Variants in AGBL4 observed in about 807,000 individuals in gnomAD.
The protein encoded by AGBL4 is AGBL carboxypeptidase 4.
AGBL4 carries 58 observed loss-of-function variants against 66.4 expected under a neutral mutation model. That is an observed-to-expected ratio of 0.87 (90% CI 0.71 to 1.09). AGBL4 has a LOEUF of 1.09. Ranked by LOEUF, AGBL4 falls within the 50% of genes least tolerant of loss-of-function variation. AGBL4 has a pLI of 0.00. For synonymous variants in AGBL4, 234 were observed against 222.9 expected (o/e 1.05, Z -0.44); for missense variants, 579 against 631.0 (o/e 0.92, Z 0.88).
At chr1:49,385,413 A>G (rs1644716517) in intron 3 of AGBL4, among the ~76,000 whole-genome samples, 1 of 152,024 alleles carries the variant, frequency 6.6e-6, no homozygotes, top group Non-Finnish European at 1.5e-5. Flanking sequence ...AGATGTATCT[A>G]GGATGGTGAG....
intron 3 of AGBL4, among the ~76,000 whole-genome samples, chr1:49,385,085 AT>A (rs1644708992): frequency 6.6e-6 from 1 of 152,208 alleles, no homozygotes; most frequent in Non-Finnish European, 1.5e-5. Flanking sequence ...GATTTCTCTT[AT>A]ATGAGGTCTC....
intron 5 of AGBL4, among the ~76,000 whole-genome samples, chr1:48,928,334 G>C (rs1201338630): frequency 2.6e-5 from 4 of 152,196 alleles, no homozygotes; most frequent in Non-Finnish European, 5.9e-5. Context: ...CTTAGCACAG[G>C]TGCTGTGAGA....
chr1:49,766,759 A>G (rs1209761725), intron 2 of AGBL4, among the ~76,000 whole-genome samples: 1 of 152,128 alleles, frequency 6.6e-6, no homozygotes, highest in Non-Finnish European at 1.5e-5. Context: ...CAAATAGAAA[A>G]CATAAAAGAA....
At chr1:49,542,896 C>CAAAAAAAAAAAA (rs35734647) in intron 3 of AGBL4, among the ~76,000 whole-genome samples, 1 of 22,890 alleles carries the variant, frequency 4.4e-5, no homozygotes, top group Non-Finnish European at 6.9e-5. Context: ...AAGACTCCAT[C>CAAAAAAAAAAAA]AAAAAAAAAA....
At chr1:49,070,520 G>A (rs1644580409) in intron 4 of AGBL4, among the ~76,000 whole-genome samples, 1 of 151,768 alleles carries the variant, frequency 6.6e-6, no homozygotes, top group Non-Finnish European at 1.5e-5. Context: ...TTCTGTTTAT[G>A]TGATGGATTA....
intron 3 of AGBL4, among the ~76,000 whole-genome samples, chr1:49,379,659 C>A (rs999925939): frequency 6.6e-6 from 1 of 152,050 alleles, no homozygotes. Context: ...GTCTTTGGTT[C>A]TTTTTATATG....
intron 11 of AGBL4, among the ~76,000 whole-genome samples, chr1:48,577,952 A>T (rs1644680078): frequency 6.6e-6 from 1 of 152,180 alleles, no homozygotes; most frequent in Non-Finnish European, 1.5e-5. Context: ...GCGAACACAC[A>T]CTTTGAGCTG....
chr1:49,128,240 T>C (rs968405966), intron 4 of AGBL4, among the ~76,000 whole-genome samples: 1 of 151,990 alleles, frequency 6.6e-6, no homozygotes, highest in Non-Finnish European at 1.5e-5. Context: ...GTATATTAAA[T>C]AAGACCTAAG....
intron 9 of AGBL4, among the ~76,000 whole-genome samples, chr1:48,593,563 AAC>A (rs1378295241): frequency 2.0e-5 from 3 of 152,064 alleles, no homozygotes; most frequent in African/African-American, 7.2e-5. Flanking sequence ...CATCCTGGCC[AAC>A]ACAGTGAAAC....
intron 3 of AGBL4, among the ~76,000 whole-genome samples, chr1:49,327,037 TTC>T (rs914392089): frequency 1.3e-5 from 2 of 151,794 alleles, no homozygotes; most frequent in Non-Finnish European, 1.5e-5. Flanking sequence ...ATCTTAAAAT[TTC>T]TCTCTCTCTC....
chr1:48,733,034 C>T (rs1332048599), intron 6 of AGBL4, among the ~76,000 whole-genome samples: 1 of 152,128 alleles, frequency 6.6e-6, no homozygotes, highest in African/African-American at 2.4e-5. Context: ...GGTGAAAACA[C>T]ATTAAGCAGA....
intron 2 of AGBL4, among the ~76,000 whole-genome samples, chr1:49,708,142 A>T (rs1647354713): frequency 6.6e-6 from 1 of 152,094 alleles, no homozygotes; most frequent in Non-Finnish European, 1.5e-5. Context: ...TATCCTGAAG[A>T]GTGTTTTCCA....
At chr1:49,613,037 T>C (rs1285243754) in intron 3 of AGBL4, among the ~76,000 whole-genome samples, 1 of 152,190 alleles carries the variant, frequency 6.6e-6, no homozygotes, top group Admixed American at 6.5e-5. Context: ...CATCATGGAA[T>C]ACTACACAAT....
At chr1:49,867,159 T>G (rs1406183220) in intron 1 of AGBL4, among the ~76,000 whole-genome samples, 1 of 152,082 alleles carries the variant, frequency 6.6e-6, no homozygotes. Flanking sequence ...CACACCTAGG[T>G]GTCTGCCAGC....
rs912185550 is a variant in AGBL4 at position 48,852,815 on chromosome 1, C to A, written c.634+14376G>T. Among the ~76,000 whole-genome samples the A allele has an allele frequency of 2.6e-4, 40 of 152,128 alleles. 1 individual carries two copies. The highest frequency in any genetic ancestry group is 9.4e-4 in the African/African-American group (39 of 41,402). Reference sequence around the variant, plus strand: ...GCTAGGCAATCTCAAAAAGCCATATCTTGGGAAAAAGAAAATCCTTGGAGA... The same window carrying A: ...GCTAGGCAATCTCAAAAAGCCATATATTGGGAAAAAGAAAATCCTTGGAGA... On this transcript the variant is annotated intron_variant, in intron 6 of 13. Coordinates refer to ENST00000371839, the MANE Select transcript of AGBL4 (RefSeq NM_032785.4).
At chr1:48,861,503 A>G (rs954167198) in intron 6 of AGBL4, among the ~76,000 whole-genome samples, 5 of 152,180 alleles carry the variant, frequency 3.3e-5, no homozygotes, top group African/African-American at 7.2e-5. Context: ...TAATATTGAA[A>G]CCTGCCCAAG....
intron 5 of AGBL4, among the ~76,000 whole-genome samples, chr1:49,030,292 T>C (rs1390469031): frequency 6.6e-6 from 1 of 152,110 alleles, no homozygotes; most frequent in Non-Finnish European, 1.5e-5. Context: ...GATTTCTCTG[T>C]CTCTGCTCTC....
At chr1:48,567,423 G>C (rs1644494638) in intron 11 of AGBL4, among the ~76,000 whole-genome samples, 1 of 152,138 alleles carries the variant, frequency 6.6e-6, no homozygotes, top group Non-Finnish European at 1.5e-5. Flanking sequence ...GCATGAGCCT[G>C]GTGAGGTATG....
At chr1:49,830,825 T>C (rs940159108) in intron 2 of AGBL4, among the ~76,000 whole-genome samples, 4 of 152,202 alleles carry the variant, frequency 2.6e-5, no homozygotes, top group African/African-American at 7.2e-5. Flanking sequence ...TTTCTGCATA[T>C]GGCTAGTCAG....
Sources: allele counts gnomAD v4.1 joint callset (sites outside exome capture counted in the v4.1 genomes callset), GRCh38; gene constraint gnomAD v4.1.1; transcripts MANE v1.5; gene names NCBI Gene and HGNC (gene_info 2026-07-23, HGNC 2026-07-21).